The following UTP23 variants were observed in gnomAD, a reference collection of about 807,000 sequenced individuals.
The protein encoded by UTP23 is rRNA-processing protein UTP23 homolog.
Under a neutral mutation model 19.8 loss-of-function variants are expected in UTP23, and 10 were observed. The observed-to-expected ratio is 0.50, with a 90% CI of 0.31 to 0.86. The LOEUF (loss-of-function observed/expected upper bound fraction) is 0.86, where lower values mean the gene tolerates loss of function less well. Among genes scored for constraint, UTP23 ranks in the 40% least tolerant of loss-of-function variants. The pLI, the probability that UTP23 is intolerant of heterozygous loss-of-function variation, is 0.05. For missense variants in UTP23, 282 were observed against 293.1 expected, an observed-to-expected ratio of 0.96 and a Z score of 0.28; for synonymous variants, 108 against 105.4, an observed-to-expected ratio of 1.02 and a Z score of -0.15.
chr8:116,766,813 G>A, intron 1 of UTP23, 22 bp downstream of exon 1: 1 of 1,509,096 alleles, frequency 6.6e-7, no homozygotes, highest in South Asian at 1.2e-5. Flanking sequence ...GGGCTGGGGA[G>A]GAGGCACAGA....
At chr8:116,767,219 T>C (rs12547108) in intron 1 of UTP23, among the ~76,000 whole-genome samples, 67,360 of 152,136 alleles carry the variant, frequency 0.44, 18,780 homozygotes, top group Non-Finnish European at 0.62. Flanking sequence ...TGTACCCGTC[T>C]TCAAATGGTT....
At position 116,774,560 on chromosome 8, in the gene UTP23, T is replaced by TA; in HGVS notation, c.*2719dup. On this transcript the variant is annotated 3_prime_UTR_variant, in exon 3 of 3. Coordinates refer to ENST00000309822, the MANE Select transcript of UTP23 (RefSeq NM_032334.3). Reference sequence around the variant, plus strand: ...ATATATGTATATAGGTATATACACATATGTATATATACATAGTCTATATAT... The same window carrying TA: ...ATATATGTATATAGGTATATACACATAATGTATATATACATAGTCTATATAT... The TA allele has an allele frequency of 1.6e-6, 1 of 633,090 alleles. No homozygotes were observed. The highest frequency in any genetic ancestry group is 2.0e-6 in the Non-Finnish European group (1 of 509,412). The allele number at this position is 633,090 out of a possible 1,614,324, so 39.2% of individuals were successfully genotyped here. A position where few individuals can be genotyped will look rare whatever the true frequency, so the allele number is the denominator to read the frequency against.
rs1815585450 is a variant in UTP23 at position 116,766,743 on chromosome 8, A to C, written c.140A>C (p.Glu47Ala). Residue 47 changes from glutamate (E) to alanine (A), a missense_variant, in exon 1 of 3, where the codon GAG becomes GCG. Physicochemically the swap from Glu to Ala is moderately radical, Grantham distance 107. Transcript: ENST00000309822. The part of the protein sequence containing the change: ...AALRGRIQLR[E>A]QLPRYLMGET... ...CTGCGGGGCCGCATCCAGCTGCGGG[A>C]GCAGCTGCCCCGCTACCTCATGGGG... 6.2e-7 allele frequency: 1 copy of C among 1,601,302 alleles called. No homozygotes were observed. Among genetic ancestry groups the C allele is most frequent in the Non-Finnish European group, 8.5e-7 (1 of 1,173,860 alleles).
Position 116,772,986 on chromosome 8 carries a change from A to G in UTP23, c.*1144A>G. 3.0e-6 allele frequency: 3 copies of G among 985,436 alleles called. No individual in the cohort carries two copies. Among genetic ancestry groups the G allele is most frequent in the Non-Finnish European group, 3.6e-6 (3 of 829,914 alleles). 61.0% of individuals were successfully genotyped at this position (985,436 alleles called of 1,614,324 possible). A position where few individuals can be genotyped will look rare whatever the true frequency, so the allele number is the denominator to read the frequency against. On this transcript the variant is annotated 3_prime_UTR_variant, in exon 3 of 3. Transcript: ENST00000309822. The stretch of plus-strand genomic sequence containing the variant: ...CTCAGTCTAACATTAGGTTATCATG[A>G]TGACGTATGAGTAAATTCTTAATGG...
chr8:116,773,494 C>T lies in UTP23; in HGVS notation c.*1652C>T, dbSNP rs1815685919. 1 of 984,058 alleles carries T rather than the reference C, an allele frequency of 1.0e-6. No individual in the cohort carries two copies. The highest frequency in any genetic ancestry group is 1.2e-6 in the Non-Finnish European group (1 of 828,730). 61.0% of individuals were successfully genotyped at this position (984,058 alleles called of 1,614,324 possible). On this transcript the variant is annotated 3_prime_UTR_variant, in exon 3 of 3. Coordinates refer to ENST00000309822, the MANE Select transcript of UTP23 (RefSeq NM_032334.3). ...TTATGAAGCAGTAATTATAGAAGTA[C>T]TAAAAATTACAATGTATTAGTAAGT...
At chr8:116,766,909 G>C in intron 1 of UTP23, 118 bp downstream of exon 1, 2 of 1,006,086 alleles carry the variant, frequency 2.0e-6, no homozygotes, top group South Asian at 3.4e-5. Flanking sequence ...CCGCCCACGT[G>C]GAGTTGACAG....
intron 1 of UTP23, 172 bp downstream of exon 1, chr8:116,766,963 A>C: frequency 3.2e-6 from 2 of 623,762 alleles, no homozygotes; most frequent in Non-Finnish European, 5.4e-6. Context: ...CCTATAATAG[A>C]GGCAGATTGG....
At chr8:116,770,443 A>C in intron 2 of UTP23, 77 bp downstream of exon 2, 2 of 1,370,080 alleles carry the variant, frequency 1.5e-6, no homozygotes, top group Non-Finnish European at 2.0e-6. Context: ...TATAATCAGA[A>C]AAAAGTTAGA....
chr8:116,768,165 T>C (rs531638699), intron 1 of UTP23, among the ~76,000 whole-genome samples: 2 of 152,316 alleles, frequency 1.3e-5, no homozygotes, highest in Admixed American at 1.3e-4. Flanking sequence ...TTGTTCAGAA[T>C]TTCTCAAGCA....
rs3842630 is a variant in UTP23, at chr8:116,773,053, ATTCTCATTTG to A, written c.*1212_*1221del. ...TCACATTTATTCCCATAGAAATGTC[ATTCTCATTTG>A]AATTCAGAGATACTTCTTTGCTGGA... is the stretch of plus-strand genomic sequence containing the variant. On this transcript the variant is annotated 3_prime_UTR_variant, in exon 3 of 3. Transcript: ENST00000309822. 108,354 of 792,240 alleles carry A rather than the reference ATTCTCATTTG, an allele frequency of 0.14. 6,445 individuals carry two copies. Among genetic ancestry groups the A allele is most frequent in the East Asian group, 0.52 (2,767 of 5,328 alleles). The allele number at this position is 792,240 out of a possible 1,614,324, so 49.1% of individuals were successfully genotyped here.
In UTP23 at chr8:116,767,966, C is replaced by T. The variant is rs544731717; in HGVS notation, c.188+1175C>T. ...AGGCAAGGTGGCTCACACTTGTAAT[C>T]CTAGTAGCTACACAGGAGGCTGAGA... On this transcript the variant is annotated intron_variant, in intron 1 of 2. Coordinates refer to ENST00000309822, the MANE Select transcript of UTP23 (RefSeq NM_032334.3). Among the ~76,000 whole-genome samples the T allele has an allele frequency of 2.6e-5, 4 of 152,216 alleles. No homozygotes were observed. In the East Asian group the frequency reaches 5.8e-4, roughly 22 times the overall value.
chr8:116,773,520 T>G lies in UTP23; in HGVS notation c.*1678T>G. 1.0e-6 allele frequency: 1 copy of G among 982,960 alleles called. No homozygotes were observed. Among genetic ancestry groups the G allele is most frequent in the South Asian group, 4.7e-5 (1 of 21,246 alleles). 60.9% of individuals were successfully genotyped at this position (982,960 alleles called of 1,614,324 possible). On this transcript the variant is annotated 3_prime_UTR_variant, in exon 3 of 3. Coordinates refer to ENST00000309822, the MANE Select transcript of UTP23 (RefSeq NM_032334.3). ...TAAAAATTACAATGTATTAGTAAGT[T>G]TAATATTTTGACAGGGCATGGTGGC...
At position 116,772,458 on chromosome 8, in the gene UTP23, C is replaced by T. The variant is rs576704742; in HGVS notation, c.*616C>T. 86 of 955,994 alleles carry T rather than the reference C, an allele frequency of 9.0e-5. No homozygotes were observed. The highest frequency in any genetic ancestry group is 5.1e-4 in the African/African-American group (29 of 56,680). 59.2% of individuals were successfully genotyped at this position (955,994 alleles called of 1,614,324 possible). ...ATATTTCCAAATTGTATGATTATAC[C>T]GCTACTTTTTGATACATCAATTATT... On this transcript the variant is annotated 3_prime_UTR_variant, in exon 3 of 3. Coordinates refer to ENST00000309822, the MANE Select transcript of UTP23 (RefSeq NM_032334.3).
chr8:116,766,798 C>T lies in UTP23; in HGVS notation c.188+7C>T, dbSNP rs1251765434. On this transcript the variant is annotated splice_region_variant and intron_variant, in intron 1 of 2. Transcript: ENST00000309822. Reference sequence around the variant, plus strand: ...CGCAGCTGTGCACCACAAGGTGGGCCCGGGGGGCTGGGGAGGAGGCACAGA... The same window carrying T: ...CGCAGCTGTGCACCACAAGGTGGGCTCGGGGGGCTGGGGAGGAGGCACAGA... The T allele has an allele frequency of 6.5e-7, 1 of 1,529,028 alleles. No homozygotes were observed. Among genetic ancestry groups the T allele is most frequent in the Non-Finnish European group, 8.8e-7 (1 of 1,136,012 alleles). 94.7% of individuals were successfully genotyped at this position (1,529,028 alleles called of 1,614,324 possible).
chr8:116,768,733 T>C (rs1782232716), intron 1 of UTP23, among the ~76,000 whole-genome samples: 1 of 152,202 alleles, frequency 6.6e-6, no homozygotes, highest in South Asian at 2.1e-4. Context: ...GGTGCGATCA[T>C]GGCTCACTGC....
Position 116,772,042 on chromosome 8 carries a change from CA to C in UTP23, c.*201del. 1 of 1,235,478 alleles carries C rather than the reference CA, an allele frequency of 8.1e-7. No individual in the cohort carries two copies. Among genetic ancestry groups the C allele is most frequent in the South Asian group, 2.6e-5 (1 of 38,506 alleles). The allele number at this position is 1,235,478 out of a possible 1,614,324, so 76.5% of individuals were successfully genotyped here. Reference sequence around the variant, plus strand: ...TACTAAAATACAAAAATTAGCTGGGCATGATGGTGCACAGTTGTAATTCCAG... The same window carrying C: ...TACTAAAATACAAAAATTAGCTGGGCTGATGGTGCACAGTTGTAATTCCAG... On this transcript the variant is annotated 3_prime_UTR_variant, in exon 3 of 3. Coordinates refer to ENST00000309822, the MANE Select transcript of UTP23 (RefSeq NM_032334.3).
intron 1 of UTP23, among the ~76,000 whole-genome samples, chr8:116,769,785 G>T (rs1815627305): frequency 6.6e-6 from 1 of 152,228 alleles, no homozygotes; most frequent in East Asian, 1.9e-4. Context: ...AGCTTATTAC[G>T]CTATGGTTGG....
intron 1 of UTP23, among the ~76,000 whole-genome samples, chr8:116,768,288 A>G (rs1355894321): frequency 1.3e-5 from 2 of 152,172 alleles, no homozygotes; most frequent in South Asian, 2.1e-4. Flanking sequence ...TTTGTCTACA[A>G]GCAATTTGTC....
chr8:116,767,818 A>G (rs1815604099), intron 1 of UTP23, among the ~76,000 whole-genome samples: 1 of 152,226 alleles, frequency 6.6e-6, no homozygotes, highest in Non-Finnish European at 1.5e-5. Context: ...TAAAAAGCAA[A>G]AAAAGAAAAT....
Sources: allele counts gnomAD v4.1 joint callset (sites outside exome capture counted in the v4.1 genomes callset), GRCh38; gene constraint gnomAD v4.1.1; transcripts MANE v1.5; gene names NCBI Gene and HGNC (gene_info 2026-07-23, HGNC 2026-07-21).